Variants in CSMD1 observed in about 807,000 individuals in gnomAD.
CSMD1 encodes CUB and Sushi multiple domains 1.
CSMD1 carries 213 observed loss-of-function variants against 417.5 expected under a neutral mutation model. That is an observed-to-expected ratio of 0.51 (90% CI 0.46 to 0.57). CSMD1 has a LOEUF of 0.57. Ranked by LOEUF, CSMD1 falls within the 20% of genes least tolerant of loss-of-function variation. CSMD1 has a pLI of 0.00. For missense variants in CSMD1, 6,923 were observed against 4,529.7 expected (o/e 1.53, Z -15.17); for synonymous variants, 2,862 against 1,736.8 (o/e 1.65, Z -16.11).
intron 2 of CSMD1, among the ~76,000 whole-genome samples, chr8:4,605,477 C>T (rs1800817555): frequency 6.6e-6 from 1 of 152,122 alleles, no homozygotes; most frequent in African/African-American, 2.4e-5. Flanking sequence ...TTCATCTTAC[C>T]TTTATGCCCG....
At chr8:3,584,442 T>A (rs989598141) in intron 9 of CSMD1, among the ~76,000 whole-genome samples, 29 of 152,168 alleles carry the variant, frequency 1.9e-4, no homozygotes, top group African/African-American at 6.5e-4. Context: ...TAATTATCTC[T>A]AAGCGTGAGT....
intron 5 of CSMD1, among the ~76,000 whole-genome samples, chr8:3,815,738 A>T (rs1471430624): frequency 6.6e-6 from 1 of 151,866 alleles, no homozygotes; most frequent in Non-Finnish European, 1.5e-5. Context: ...ATTCTCATGT[A>T]CATAACATGG....
intron 2 of CSMD1, among the ~76,000 whole-genome samples, chr8:4,572,855 T>C (rs992446266): frequency 6.6e-6 from 1 of 152,220 alleles, no homozygotes; most frequent in Non-Finnish European, 1.5e-5. Context: ...TCATGCTTTA[T>C]TTCATTAAGT....
chr8:3,799,487 C>CATGG (rs1240774952), intron 5 of CSMD1, among the ~76,000 whole-genome samples: 3 of 146,042 alleles, frequency 2.1e-5, no homozygotes. Context: ...ATAAGTGAGA[C>CATGG]ATGGATTTGA....
chr8:2,982,766 C>G (rs1410463128), intron 54 of CSMD1, among the ~76,000 whole-genome samples: 1 of 152,198 alleles, frequency 6.6e-6, no homozygotes, highest in East Asian at 1.9e-4. Context: ...CTTTCCAGAA[C>G]CCAAAGCAAT....
At chr8:3,799,135 T>A (rs912354131) in intron 5 of CSMD1, among the ~76,000 whole-genome samples, 4 of 152,160 alleles carry the variant, frequency 2.6e-5, no homozygotes, top group Admixed American at 1.3e-4. Flanking sequence ...ATAGTTTTAT[T>A]TAACACTTCA....
Position 3,518,999 on chromosome 8 carries a change from G to C in CSMD1, c.1345-25273C>G, listed in dbSNP as rs910520234. ...TTTTAAACTGAAATATAAATGATCT[G>C]TTTTTAAACAATTTGCAAGCTAACT... On this transcript the variant is annotated intron_variant, in intron 10 of 69. Coordinates refer to ENST00000635120, the MANE Select transcript of CSMD1 (RefSeq NM_033225.6). 2.0e-5 allele frequency among the ~76,000 whole-genome samples: 3 copies of C among 152,110 alleles called. No homozygotes were observed. In the East Asian group the frequency reaches 5.8e-4, roughly 29 times the overall value.
intron 7 of CSMD1, among the ~76,000 whole-genome samples, chr8:3,622,244 C>A (rs1306007615): frequency 2.0e-5 from 3 of 152,180 alleles, no homozygotes; most frequent in African/African-American, 7.2e-5. Flanking sequence ...CCATCACAGG[C>A]TGGATGTCTT....
chr8:3,945,841 T>C (rs1811186513), intron 5 of CSMD1, among the ~76,000 whole-genome samples: 1 of 152,104 alleles, frequency 6.6e-6, no homozygotes, highest in South Asian at 2.1e-4. Flanking sequence ...AAAAGGTAAA[T>C]ATTGATTGTA....
Position 4,529,873 on chromosome 8 carries a change from G to T in CSMD1, c.302+107469C>A, listed in dbSNP as rs1326901574. 1.8e-4 allele frequency among the ~76,000 whole-genome samples: 25 copies of T among 136,074 alleles called. No homozygotes were observed. The East Asian group carries it at 4.3e-3, about 24-fold the overall frequency. 89.3% of individuals were successfully genotyped at this position (136,074 alleles called of 152,430 possible). A position where few individuals can be genotyped will look rare whatever the true frequency, so the allele number is the denominator to read the frequency against. The stretch of plus-strand genomic sequence containing the variant: ...GGTTGCTGCCCATGCTGCTGCCATT[G>T]TTTTTTTTTTTTAAATTTATTTAAT... On this transcript the variant is annotated intron_variant, in intron 2 of 69. Transcript: ENST00000635120.
rs1350267085 is a variant in CSMD1, at chr8:3,456,447, A to G, written c.1561+12265T>C. The stretch of plus-strand genomic sequence containing the variant: ...TTTGGCCATCTTGGCTCCACCCCTT[A>G]CTCTCCTATTTTCTAATACAATTTA... On this transcript the variant is annotated intron_variant, in intron 12 of 69. Transcript: ENST00000635120. 2.6e-5 allele frequency among the ~76,000 whole-genome samples: 4 copies of G among 151,826 alleles called. No homozygotes were observed. In the East Asian group the frequency reaches 7.8e-4, roughly 29 times the overall value.
intron 1 of CSMD1, among the ~76,000 whole-genome samples, chr8:4,842,177 A>T (rs921013298): frequency 7.9e-5 from 12 of 152,232 alleles, no homozygotes; most frequent in African/African-American, 2.9e-4. Context: ...AGCCAGACAC[A>T]CATGAAAAGA....
At chr8:4,456,750 A>G (rs907387588) in intron 2 of CSMD1, among the ~76,000 whole-genome samples, 8 of 152,242 alleles carry the variant, frequency 5.3e-5, no homozygotes, top group Middle Eastern at 3.4e-3. Context: ...TCTAGTTGCT[A>G]GATCCTAGGG....
At chr8:4,457,028 G>A (rs9314530) in intron 2 of CSMD1, among the ~76,000 whole-genome samples, 10,473 of 149,868 alleles carry the variant, frequency 0.07, 1,018 homozygotes, top group African/African-American at 0.22. Context: ...AATGTTAATC[G>A]CTGATTCCTG....
chr8:4,120,002 T>A (rs190582740), intron 3 of CSMD1, among the ~76,000 whole-genome samples: 359 of 152,228 alleles, frequency 2.4e-3, no homozygotes, highest in African/African-American at 8.2e-3. Flanking sequence ...GATAGCACAA[T>A]AGGGTGACGG....
At chr8:3,742,437 C>A (rs1263872206) in intron 6 of CSMD1, among the ~76,000 whole-genome samples, 2 of 152,122 alleles carry the variant, frequency 1.3e-5, no homozygotes, top group Non-Finnish European at 2.9e-5. Context: ...TTTAATTGTG[C>A]TCCTCTATCT....
chr8:3,842,796 T>C (rs1803219817), intron 5 of CSMD1, among the ~76,000 whole-genome samples: 2 of 152,154 alleles, frequency 1.3e-5, no homozygotes, highest in Admixed American at 1.3e-4. Context: ...TTTTAAAAAG[T>C]TGGAATGTCA....
chr8:3,023,219 C>G (rs1339637868), intron 51 of CSMD1, among the ~76,000 whole-genome samples: 2 of 152,150 alleles, frequency 1.3e-5, no homozygotes, highest in African/African-American at 4.8e-5. Context: ...CAAAGACCAG[C>G]CCGGACACAG....
chr8:4,818,317 T>C (rs553119747), intron 1 of CSMD1, among the ~76,000 whole-genome samples: 4 of 152,300 alleles, frequency 2.6e-5, no homozygotes, highest in Admixed American at 6.5e-5. Flanking sequence ...CAAAGCTAGA[T>C]TACAAAAGTA....
Sources: gnomAD v4.1 joint callset for allele counts (sites outside exome capture counted in the v4.1 genomes callset) on GRCh38, gnomAD v4.1.1 for gene constraint, MANE v1.5 for transcripts, NCBI Gene and HGNC (gene_info 2026-07-23, HGNC 2026-07-21) for gene names.